The following GMDS variants were observed in gnomAD, a reference collection of about 807,000 sequenced individuals.
GMDS encodes GDP-mannose 4,6-dehydratase.
A neutral mutation model predicts 49.9 loss-of-function variants in GMDS; 20 were observed. That is an observed-to-expected ratio of 0.40 (90% CI 0.28 to 0.58). GMDS has a LOEUF of 0.58. Ranked by LOEUF, GMDS falls within the 20% of genes least tolerant of loss-of-function variation. GMDS has a pLI of 0.42. For synonymous variants in GMDS, 177 were observed against 178.6 expected (o/e 0.99, Z 0.07); for missense variants, 362 against 481.4 (o/e 0.75, Z 2.32).
chr6:1,634,738 A>C (rs1306772228), intron 9 of GMDS, among the ~76,000 whole-genome samples: 1 of 152,096 alleles, frequency 6.6e-6, no homozygotes, highest in African/African-American at 2.4e-5. Context: ...GGTTAGAAAG[A>C]GGGGCAAGAG....
Position 1,815,355 on chromosome 6 carries a change from T to C in GMDS, c.772-72769A>G, listed in dbSNP as rs775552115. ...TTTTCACAAAGTATTATATAACTTCTGTACTTCTGGAGAAAAATAGTTACA... is the reference window on the plus strand; with the variant it reads ...TTTTCACAAAGTATTATATAACTTCCGTACTTCTGGAGAAAAATAGTTACA... On this transcript the variant is annotated intron_variant, in intron 7 of 10. Transcript: ENST00000380815. 2.0e-5 allele frequency among the ~76,000 whole-genome samples: 3 copies of C among 152,362 alleles called. No individual in the cohort carries two copies. The East Asian group carries it at 5.8e-4, about 29-fold the overall frequency.
chr6:2,020,139 A>C (rs1232075000), intron 4 of GMDS, among the ~76,000 whole-genome samples: 1 of 152,188 alleles, frequency 6.6e-6, no homozygotes, highest in Non-Finnish European at 1.5e-5. Context: ...TATGAGCCTT[A>C]GGAGTTTATA....
intron 7 of GMDS, among the ~76,000 whole-genome samples, chr6:1,818,501 G>A (rs947907656): frequency 8.6e-5 from 13 of 151,606 alleles, no homozygotes; most frequent in African/African-American, 3.1e-4. Context: ...CCAGCTACTC[G>A]GGAGGCTGAG....
chr6:2,017,198 G>A (rs975752830), intron 4 of GMDS, among the ~76,000 whole-genome samples: 10 of 152,120 alleles, frequency 6.6e-5, no homozygotes, highest in South Asian at 2.1e-4. Flanking sequence ...GGAGAGGAGC[G>A]TGGACACAAG....
chr6:2,008,469 T>A (rs899177067), intron 4 of GMDS, among the ~76,000 whole-genome samples: 16 of 152,222 alleles, frequency 1.1e-4, no homozygotes, highest in African/African-American at 3.6e-4. Flanking sequence ...GTGGATGGAC[T>A]CAGCAGTGTG....
intron 7 of GMDS, among the ~76,000 whole-genome samples, chr6:1,885,738 C>T (rs3800119): frequency 0.34 from 51,097 of 152,064 alleles, 8,610 homozygotes; most frequent in African/African-American, 0.4. Context: ...GGACATCGCT[C>T]CTCCTCTGGT....
At chr6:1,886,697 A>C (rs890914427) in intron 7 of GMDS, among the ~76,000 whole-genome samples, 1 of 152,224 alleles carries the variant, frequency 6.6e-6, no homozygotes, top group African/African-American at 2.4e-5. Context: ...GGGAACAAAC[A>C]CTAAAGTTTC....
chr6:2,041,334 G>A (rs962569567), intron 4 of GMDS, among the ~76,000 whole-genome samples: 2 of 152,194 alleles, frequency 1.3e-5, no homozygotes, highest in African/African-American at 4.8e-5. Context: ...AAACTGAAAT[G>A]CAAGAGAATG....
intron 7 of GMDS, among the ~76,000 whole-genome samples, chr6:1,780,143 C>T (rs1414833258): frequency 6.6e-6 from 1 of 152,204 alleles, no homozygotes; most frequent in East Asian, 1.9e-4. Context: ...CTGTCCCTGG[C>T]TTATACGTAA....
At chr6:2,223,361 C>T (rs1345886000) in intron 1 of GMDS, among the ~76,000 whole-genome samples, 4 of 151,936 alleles carry the variant, frequency 2.6e-5, no homozygotes, top group Admixed American at 1.3e-4. Context: ...GGAGAGTTTA[C>T]ACTCCCCCCA....
At chr6:1,753,067 C>T (rs1458348592) in intron 7 of GMDS, among the ~76,000 whole-genome samples, 1 of 152,036 alleles carries the variant, frequency 6.6e-6, no homozygotes, top group East Asian at 1.9e-4. Flanking sequence ...GCTTAATGCC[C>T]CAATTAAAAC....
At chr6:2,015,215 T>C (rs1237137766) in intron 4 of GMDS, among the ~76,000 whole-genome samples, 2 of 152,274 alleles carry the variant, frequency 1.3e-5, no homozygotes, top group South Asian at 2.1e-4. Flanking sequence ...AAAGACTTAA[T>C]TGATATTTAC....
chr6:2,104,112 C>T (rs552577022), intron 4 of GMDS, among the ~76,000 whole-genome samples: 2 of 152,338 alleles, frequency 1.3e-5, no homozygotes, highest in South Asian at 4.1e-4. Flanking sequence ...TATTGCTTGC[C>T]GCTGCAACTT....
intron 9 of GMDS, among the ~76,000 whole-genome samples, chr6:1,682,522 A>G (rs1764823963): frequency 6.6e-6 from 1 of 152,154 alleles, no homozygotes; most frequent in Non-Finnish European, 1.5e-5. Context: ...CGGGCAGGCC[A>G]GTCAGTGAGG....
At chr6:1,775,371 G>A (rs1013636312) in intron 7 of GMDS, among the ~76,000 whole-genome samples, 7 of 152,216 alleles carry the variant, frequency 4.6e-5, no homozygotes, top group Non-Finnish European at 8.8e-5. Flanking sequence ...TCTTTTGAGT[G>A]TCTTAGAGGA....
intron 7 of GMDS, among the ~76,000 whole-genome samples, chr6:1,871,833 A>G (rs949648302): frequency 6.6e-6 from 1 of 152,234 alleles, no homozygotes; most frequent in Non-Finnish European, 1.5e-5. Flanking sequence ...TCACATTAAC[A>G]GCACGGCAAG....
At chr6:1,952,613 C>T (rs577461145) in intron 6 of GMDS, among the ~76,000 whole-genome samples, 3 of 152,088 alleles carry the variant, frequency 2.0e-5, no homozygotes, top group South Asian at 2.1e-4. Context: ...AGTTTAGCAA[C>T]GGAAGCGCTC....
chr6:1,846,661 G>A lies in GMDS; in HGVS notation c.771+83442C>T, dbSNP rs147382087. On this transcript the variant is annotated intron_variant, in intron 7 of 10. Transcript: ENST00000380815. The stretch of plus-strand genomic sequence containing the variant: ...GTGAACCTCTGTTTCCCCCAATGAA[G>A]GTGAAAATTGCAAACCGTACTCTGA... Among the ~76,000 whole-genome samples the A allele has an allele frequency of 4.6e-3, 703 of 152,272 alleles. 4 individuals carry two copies. The highest frequency in any genetic ancestry group is 0.016 in the African/African-American group (664 of 41,546).
At chr6:2,233,793 C>A (rs1377078349) in intron 1 of GMDS, among the ~76,000 whole-genome samples, 1 of 152,190 alleles carries the variant, frequency 6.6e-6, no homozygotes, top group African/African-American at 2.4e-5. Context: ...CCACTGCACT[C>A]CAGCCTGGAC....
Sources: allele counts gnomAD v4.1 joint callset (sites outside exome capture counted in the v4.1 genomes callset), GRCh38; gene constraint gnomAD v4.1.1; transcripts MANE v1.5; gene names NCBI Gene and HGNC (gene_info 2026-07-23, HGNC 2026-07-21).